ELOVL6: variants seen among roughly 807,000 people sequenced by gnomAD.
The protein encoded by ELOVL6 is very long chain fatty acid elongase 6.
A neutral mutation model predicts 31.7 loss-of-function variants in ELOVL6; 8 were observed. The observed-to-expected ratio is 0.25, with a 90% CI of 0.15 to 0.45. ELOVL6 has a LOEUF of 0.45. Ranked by LOEUF, ELOVL6 falls within the 20% of genes least tolerant of loss-of-function variation. ELOVL6 has a pLI of 1.00. For synonymous variants in ELOVL6, 101 were observed against 117.7 expected (o/e 0.86, Z 0.92); for missense variants, 126 against 326.4 (o/e 0.39, Z 4.73).
At chr4:110,111,223 TG>T (rs752776606) in intron 1 of ELOVL6, among the ~76,000 whole-genome samples, 2 of 152,252 alleles carry the variant, frequency 1.3e-5, no homozygotes, top group East Asian at 3.8e-4. Context: ...ATTCCGTTTT[TG>T]TATTACAACT....
At chr4:110,138,449 A>C (rs1757866693) in intron 1 of ELOVL6, among the ~76,000 whole-genome samples, 1 of 152,152 alleles carries the variant, frequency 6.6e-6, no homozygotes, top group South Asian at 2.1e-4. Flanking sequence ...ACTAATCAAC[A>C]AATTAATAGT....
intron 1 of ELOVL6, among the ~76,000 whole-genome samples, chr4:110,143,540 A>G (rs1054729331): frequency 1.3e-5 from 2 of 152,156 alleles, no homozygotes; most frequent in Non-Finnish European, 2.9e-5. Flanking sequence ...ACAATGAGCT[A>G]TTCAAAGGGT....
At chr4:110,180,816 A>C (rs746345904) in intron 1 of ELOVL6, among the ~76,000 whole-genome samples, 1 of 152,212 alleles carries the variant, frequency 6.6e-6, no homozygotes, top group Non-Finnish European at 1.5e-5. Flanking sequence ...AAAAATAGCC[A>C]AGAGCTGTTT....
intron 1 of ELOVL6, among the ~76,000 whole-genome samples, chr4:110,112,124 T>C (rs1398566388): frequency 9.8e-6 from 1 of 102,306 alleles, no homozygotes; most frequent in Non-Finnish European, 1.9e-5. Flanking sequence ...GATGAAGTCA[T>C]GAAGGGTACT....
intron 2 of ELOVL6, among the ~76,000 whole-genome samples, chr4:110,091,802 A>G (rs112040940): frequency 5.3e-5 from 8 of 152,330 alleles, no homozygotes; most frequent in Middle Eastern, 6.8e-3. Flanking sequence ...GTCAAATGAA[A>G]GGAGCAAAAG....
intron 1 of ELOVL6, among the ~76,000 whole-genome samples, chr4:110,107,416 C>T (rs1756918914): frequency 6.6e-6 from 1 of 152,166 alleles, no homozygotes; most frequent in Non-Finnish European, 1.5e-5. Context: ...GTACAGTAAA[C>T]AGGCAGCAAA....
intron 1 of ELOVL6, among the ~76,000 whole-genome samples, chr4:110,126,164 C>T (rs932433649): frequency 3.9e-5 from 6 of 152,062 alleles, no homozygotes; most frequent in African/African-American, 1.2e-4. Flanking sequence ...CTACCTCAGC[C>T]TCCCAAGTAG....
intron 1 of ELOVL6, among the ~76,000 whole-genome samples, chr4:110,113,223 G>A (rs1310934669): frequency 2.3e-4 from 25 of 110,096 alleles, no homozygotes; most frequent in African/African-American, 4.0e-4. Flanking sequence ...GCAAGACTCC[G>A]TCTCAAAAAA....
intron 1 of ELOVL6, among the ~76,000 whole-genome samples, chr4:110,164,861 CAG>C (rs1372327244): frequency 6.6e-6 from 1 of 151,054 alleles, no homozygotes; most frequent in African/African-American, 2.4e-5. Flanking sequence ...TTTTTTGAGA[CAG>C]AGTCTCACTC....
chr4:110,154,712 T>A (rs1758367307), intron 1 of ELOVL6, among the ~76,000 whole-genome samples: 1 of 152,226 alleles, frequency 6.6e-6, no homozygotes, highest in African/African-American at 2.4e-5. Flanking sequence ...CTAACTTTTC[T>A]CTTACACCAT....
At chr4:110,058,608 G>C (rs559987468) in intron 3 of ELOVL6, among the ~76,000 whole-genome samples, 2 of 152,296 alleles carry the variant, frequency 1.3e-5, no homozygotes, top group African/African-American at 4.8e-5. Flanking sequence ...ATTGCAGGTG[G>C]TTTGTAAGGA....
chr4:110,126,268 T>C (rs1312079342), intron 1 of ELOVL6, among the ~76,000 whole-genome samples: 3 of 152,144 alleles, frequency 2.0e-5, no homozygotes, highest in East Asian at 1.9e-4. Flanking sequence ...AGTCTTGAAC[T>C]CCTGGACTCA....
chr4:110,088,982 G>C (rs557885366), intron 2 of ELOVL6, among the ~76,000 whole-genome samples: 5 of 152,246 alleles, frequency 3.3e-5, no homozygotes, highest in African/African-American at 1.2e-4. Flanking sequence ...GGAAACTACT[G>C]CACTCGTGTT....
chr4:110,178,383 T>TA (rs1266596224), intron 1 of ELOVL6, among the ~76,000 whole-genome samples: 1 of 150,838 alleles, frequency 6.6e-6, no homozygotes, highest in Non-Finnish European at 1.5e-5. Flanking sequence ...CCATCTCTAC[T>TA]AAAAAAAAAT....
intron 2 of ELOVL6, among the ~76,000 whole-genome samples, chr4:110,101,237 A>G (rs1756732158): frequency 6.6e-6 from 1 of 152,040 alleles, no homozygotes; most frequent in Non-Finnish European, 1.5e-5. Flanking sequence ...ACAGAGTTTC[A>G]CCACGTTGGC....
At chr4:110,097,305 CAAA>C (rs33970271) in intron 2 of ELOVL6, among the ~76,000 whole-genome samples, 9 of 88,676 alleles carry the variant, frequency 1.0e-4, no homozygotes, top group Admixed American at 1.3e-4. Context: ...ACTCCATCTC[CAAA>C]AAAAAAAAAA....
intron 3 of ELOVL6, among the ~76,000 whole-genome samples, chr4:110,055,691 T>TAGCC (rs202115381): frequency 0.017 from 2,561 of 152,194 alleles, 44 homozygotes; most frequent in Non-Finnish European, 0.024. Flanking sequence ...TTCCCAGAGC[T>TAGCC]AGCTAGAGTG....
intron 1 of ELOVL6, among the ~76,000 whole-genome samples, chr4:110,178,534 CAG>C (rs1245231029): frequency 3.3e-5 from 5 of 150,824 alleles, no homozygotes; most frequent in Non-Finnish European, 7.4e-5. Context: ...GCCTGAGTGA[CAG>C]AGAGTGAGAC....
intron 1 of ELOVL6, among the ~76,000 whole-genome samples, chr4:110,144,410 T>C (rs1430973108): frequency 6.6e-6 from 1 of 152,228 alleles, no homozygotes; most frequent in Non-Finnish European, 1.5e-5. Context: ...TCACATAATG[T>C]AATACTATGC....
Sources: allele counts gnomAD v4.1 joint callset (sites outside exome capture counted in the v4.1 genomes callset), GRCh38; gene constraint gnomAD v4.1.1; transcripts MANE v1.5; gene names NCBI Gene and HGNC (gene_info 2026-07-23, HGNC 2026-07-21).